MDGA2: variants seen among roughly 807,000 people sequenced by gnomAD.
MDGA2 encodes the protein MAM domain-containing glycosylphosphatidylinositol anchor protein 2.
A neutral mutation model predicts 117.8 loss-of-function variants in MDGA2; 40 were observed. The ratio of observed to expected loss-of-function variants is 0.34; its 90% CI spans 0.26 to 0.44. The LOEUF (loss-of-function observed/expected upper bound fraction) is 0.44, where lower values mean the gene tolerates loss of function less well. Among genes scored for constraint, MDGA2 ranks in the 20% least tolerant of loss-of-function variants. The pLI is 1.00. For synonymous variants in MDGA2, 452 were observed against 439.0 expected, an observed-to-expected ratio of 1.03 and a Z score of -0.37; for missense variants, 1,123 against 1,250.6, an observed-to-expected ratio of 0.90 and a Z score of 1.54.
chr14:47,532,032 AC>A (rs1895111342), intron 1 of MDGA2, among the ~76,000 whole-genome samples: 1 of 152,192 alleles, frequency 6.6e-6, no homozygotes, highest in Non-Finnish European at 1.5e-5. Context: ...TCTCTAGTCC[AC>A]CTCAGGAGCT....
intron 8 of MDGA2, among the ~76,000 whole-genome samples, chr14:47,002,989 A>T (rs1887584783): frequency 1.3e-5 from 2 of 152,096 alleles, no homozygotes; most frequent in Non-Finnish European, 2.9e-5. Flanking sequence ...TTGGTAATCC[A>T]TTCCTTTCAA....
At chr14:47,674,441 G>A (rs1340985596) in intron 1 of MDGA2, 76 bp downstream of exon 1, 34 of 1,291,584 alleles carry the variant, frequency 2.6e-5, no homozygotes, top group Non-Finnish European at 3.6e-5. Flanking sequence ...GGAACGGCGC[G>A]AGTCGTGCAT....
chr14:47,229,589 A>C (rs2139564738), intron 2 of MDGA2, among the ~76,000 whole-genome samples: 1 of 152,180 alleles, frequency 6.6e-6, no homozygotes, highest in African/African-American at 2.4e-5. Context: ...GCCCTTGAAG[A>C]AACAACTAAA....
chr14:47,667,631 T>C (rs1426870272), intron 1 of MDGA2, among the ~76,000 whole-genome samples: 1 of 152,226 alleles, frequency 6.6e-6, no homozygotes. Flanking sequence ...AAAGGGTAGA[T>C]ACATTTTTCC....
chr14:47,454,099 G>C lies in MDGA2; in HGVS notation c.281-152549C>G, dbSNP rs189315924. On this transcript the variant is annotated intron_variant, in intron 1 of 16. Coordinates refer to ENST00000399232, the MANE Select transcript of MDGA2 (RefSeq NM_001113498.3). ...ATGTACTCCCTCTGCTACTAGAATTGTGAAAACGGCCCCCAATAGGGAGGT... is the reference window on the plus strand; with the variant it reads ...ATGTACTCCCTCTGCTACTAGAATTCTGAAAACGGCCCCCAATAGGGAGGT... Among the ~76,000 whole-genome samples the C allele has an allele frequency of 2.0e-5, 3 of 152,272 alleles. No homozygotes were observed. The East Asian group carries it at 5.8e-4, about 29-fold the overall frequency.
chr14:47,231,523 G>A (rs1347731594), intron 2 of MDGA2, among the ~76,000 whole-genome samples: 1 of 152,002 alleles, frequency 6.6e-6, no homozygotes, highest in African/African-American at 2.4e-5. Flanking sequence ...GAAAATGGAA[G>A]GCTGCTGTAA....
At chr14:47,599,258 T>G (rs186856230) in intron 1 of MDGA2, among the ~76,000 whole-genome samples, 185 of 151,818 alleles carry the variant, frequency 1.2e-3, no homozygotes, top group African/African-American at 4.2e-3. Flanking sequence ...CATAACTACA[T>G]AGAAAATCTG....
At chr14:47,029,505 TATC>T in intron 8 of MDGA2, among the ~76,000 whole-genome samples, 1 of 152,274 alleles carries the variant, frequency 6.6e-6, no homozygotes. Context: ...TTAACAGAAA[TATC>T]ATGTCATTAG....
rs1285893942 is a variant in MDGA2 at position 46,845,952 on chromosome 14, A to C, written c.2884-81T>G. On this transcript the variant is annotated intron_variant, in intron 15 of 16. Coordinates refer to ENST00000399232, the MANE Select transcript of MDGA2 (RefSeq NM_001113498.3). ...TCTCTTGAGAAATCAAGGTGACAAA[A>C]ATAAACTTGTCAGTAATCCTGGCAT... 12 of 1,013,568 alleles carry C rather than the reference A, an allele frequency of 1.2e-5. No individual in the cohort carries two copies. The East Asian group carries it at 3.0e-4, about 25-fold the overall frequency. 62.8% of individuals were successfully genotyped at this position (1,013,568 alleles called of 1,614,324 possible).
intron 1 of MDGA2, among the ~76,000 whole-genome samples, chr14:47,506,478 G>A (rs538136503): frequency 6.6e-6 from 1 of 152,202 alleles, no homozygotes; most frequent in Non-Finnish European, 1.5e-5. Context: ...CCCGGACTTC[G>A]TATGTTTCTC....
intron 1 of MDGA2, among the ~76,000 whole-genome samples, chr14:47,435,029 AG>A (rs1306971314): frequency 6.6e-6 from 1 of 152,038 alleles, no homozygotes; most frequent in Non-Finnish European, 1.5e-5. Context: ...CCAGCTACTC[AG>A]GAGGCTGAGG....
chr14:47,394,174 C>G (rs1891957013), intron 1 of MDGA2, among the ~76,000 whole-genome samples: 2 of 152,022 alleles, frequency 1.3e-5, no homozygotes, highest in Admixed American at 1.3e-4. Context: ...TGTGGCATTC[C>G]TTTAATTGCT....
intron 6 of MDGA2, among the ~76,000 whole-genome samples, chr14:47,066,474 A>C (rs1235527225): frequency 6.6e-6 from 1 of 152,180 alleles, no homozygotes. Context: ...TGGGAACAGA[A>C]TAACACTTGA....
intron 8 of MDGA2, among the ~76,000 whole-genome samples, chr14:47,023,198 TAAAAA>T (rs71985853): frequency 4.9e-5 from 5 of 102,866 alleles, no homozygotes; most frequent in African/African-American, 1.2e-4. Context: ...TTCCCACTCG[TAAAAA>T]AAAAAAAAAA....
intron 1 of MDGA2, among the ~76,000 whole-genome samples, chr14:47,543,144 A>G (rs1895386492): frequency 6.6e-6 from 1 of 152,184 alleles, no homozygotes; most frequent in Admixed American, 6.5e-5. Flanking sequence ...TGGGAGGTCG[A>G]AGCTGCTGTA....
chr14:46,945,735 T>C (rs952907705), intron 9 of MDGA2, among the ~76,000 whole-genome samples: 3 of 152,102 alleles, frequency 2.0e-5, no homozygotes. Flanking sequence ...AGAATAATCA[T>C]GGGGCTCACT....
Position 46,999,872 on chromosome 14 carries a change from GCT to G in MDGA2, c.1819+35137_1819+35138del, listed in dbSNP as rs557382337. Among the ~76,000 whole-genome samples, 65 of 152,134 alleles carry G rather than the reference GCT, an allele frequency of 4.3e-4. No individual in the cohort carries two copies. The Middle Eastern group carries it at 0.021, about 48-fold the overall frequency. ...CAAATTAGGACATGTAAGATCATCT[GCT>G]CTGTCTACCTTCACACATGTCTAAG... On this transcript the variant is annotated intron_variant, in intron 8 of 16. Coordinates refer to ENST00000399232, the MANE Select transcript of MDGA2 (RefSeq NM_001113498.3).
chr14:47,540,540 G>GTGTGTGTATATATATATA, intron 1 of MDGA2, among the ~76,000 whole-genome samples: 12 of 79,184 alleles, frequency 1.5e-4, no homozygotes, highest in African/African-American at 4.7e-4. Flanking sequence ...GTGTGTGTGT[G>GTGTGTGTATATATATATA]TATATATATA....
chr14:47,454,969 T>C (rs1893318861), intron 1 of MDGA2, among the ~76,000 whole-genome samples: 1 of 152,210 alleles, frequency 6.6e-6, no homozygotes, highest in Non-Finnish European at 1.5e-5. Context: ...GAGAAGTGGA[T>C]ATAACAGTGT....
Sources: allele counts gnomAD v4.1 joint callset (sites outside exome capture counted in the v4.1 genomes callset), GRCh38; gene constraint gnomAD v4.1.1; transcripts MANE v1.5; gene names NCBI Gene and HGNC (gene_info 2026-07-23, HGNC 2026-07-21).